AFF1: variants seen among roughly 807,000 people sequenced by gnomAD.
The protein encoded by AFF1 is ALF transcription elongation factor 1.
In AFF1, 48 loss-of-function variants were observed where a neutral mutation model predicts 121.7. The observed-to-expected ratio is 0.39, with a 90% CI of 0.31 to 0.50. AFF1 has a LOEUF of 0.50. Ranked by LOEUF, AFF1 falls within the 20% of genes least tolerant of loss-of-function variation. The pLI is 0.76. For missense variants in AFF1, 1,523 were observed against 1,511.7 expected (o/e 1.01, Z -0.12); for synonymous variants, 613 against 563.0 (o/e 1.09, Z -1.26).
At chr4:87,108,041 T>G in intron 10 of AFF1, 118 bp from the exon 11 acceptor site, 1 of 1,073,460 alleles carries the variant, frequency 9.3e-7, no homozygotes, top group Non-Finnish European at 1.3e-6. Context: ...CATGATAGTT[T>G]AGCAGTGTAT....
intron 2 of AFF1, among the ~76,000 whole-genome samples, chr4:87,005,505 C>T (rs1726035815): frequency 6.6e-6 from 1 of 152,198 alleles, no homozygotes; most frequent in Non-Finnish European, 1.5e-5. Flanking sequence ...GAAACAGGCT[C>T]AACTTTGTTC....
At chr4:87,105,721 A>G in intron 9 of AFF1, 39 bp downstream of exon 9, 1 of 1,613,882 alleles carries the variant, frequency 6.2e-7, no homozygotes, top group Non-Finnish European at 8.5e-7. Context: ...GAGTCCTTTT[A>G]AATACATCTA....
At chr4:87,055,716 T>C (rs534721291) in intron 4 of AFF1, among the ~76,000 whole-genome samples, 1 of 152,346 alleles carries the variant, frequency 6.6e-6, no homozygotes, top group South Asian at 2.1e-4. Flanking sequence ...ATCTTGTTGA[T>C]GACTGAGTTA....
chr4:87,114,584 C>T lies in AFF1; in HGVS notation c.1751C>T (p.Ala584Val), dbSNP rs910540764. ...SSKAPRAPPEAPHPGKRSCQK... is the reference protein window; with the variant it reads ...SSKAPRAPPEVPHPGKRSCQK... The stretch of plus-strand genomic sequence containing the variant: ...AAAGCCCCCCGGGCCCCACCCGAAG[C>T]CCCCCACCCCGGAAAGAGGAGCTGT... The change falls in exon 12 of 21, where the codon GCC becomes GTC. Residue 584 changes from alanine (A) to valine (V), a missense_variant. Physicochemically the swap from Ala to Val is moderately conservative, Grantham distance 64 (BLOSUM62 0). This residue lies in a region of AFF1 where 905 missense variants were observed against 842.5 expected (regional missense o/e 1.07). Coordinates refer to ENST00000395146, the MANE Select transcript of AFF1 (RefSeq NM_001166693.3). 2 of 1,583,554 alleles carry T rather than the reference C, an allele frequency of 1.3e-6. 1 individual carries two copies. Among genetic ancestry groups the T allele is most frequent in the Admixed American group, 3.5e-5 (2 of 57,936 alleles).
Position 87,136,896 on chromosome 4 carries a change from T to C in AFF1, c.*1195T>C, listed in dbSNP as rs371509927. 2.9e-4 allele frequency: 65 copies of C among 221,216 alleles called. No homozygotes were observed. The Middle Eastern group carries it at 9.5e-3, about 32-fold the overall frequency. The allele number at this position is 221,216 out of a possible 1,614,324, so 13.7% of individuals were successfully genotyped here. On this transcript the variant is annotated 3_prime_UTR_variant, in exon 21 of 21. Transcript: ENST00000395146. ...AGATTTGGGGTGGTTGATTAGACTT[T>C]TGAAAAACTCATCACCACATGCCTT...
chr4:87,053,376 C>T (rs1731454223), intron 4 of AFF1, among the ~76,000 whole-genome samples: 1 of 152,214 alleles, frequency 6.6e-6, no homozygotes. Flanking sequence ...ATTGAGCCTC[C>T]TATTTTCAAT....
At chr4:86,972,690 A>G (rs1723029742) in intron 2 of AFF1, among the ~76,000 whole-genome samples, 1 of 151,956 alleles carries the variant, frequency 6.6e-6, no homozygotes, top group Non-Finnish European at 1.5e-5. Flanking sequence ...GGCGTGCACC[A>G]CTACACCCAG....
intron 2 of AFF1, among the ~76,000 whole-genome samples, chr4:87,003,226 CTT>C (rs1725856860): frequency 6.6e-6 from 1 of 152,040 alleles, no homozygotes; most frequent in African/African-American, 2.4e-5. Flanking sequence ...TTCCATATAT[CTT>C]TGGGGGTAAA....
chr4:87,076,305 A>G (rs1722665387), intron 4 of AFF1, among the ~76,000 whole-genome samples: 1 of 152,182 alleles, frequency 6.6e-6, no homozygotes, highest in South Asian at 2.1e-4. Context: ...TGTTTAGAGA[A>G]CTATAGAGAT....
intron 2 of AFF1, among the ~76,000 whole-genome samples, chr4:86,995,487 T>C (rs1431605057): frequency 2.0e-5 from 3 of 151,740 alleles, no homozygotes; most frequent in African/African-American, 7.3e-5. Flanking sequence ...GGTTTTCGTA[T>C]TTTTTTGGTG....
intron 1 of AFF1, among the ~76,000 whole-genome samples, chr4:86,940,798 A>G (rs974956640): frequency 6.6e-6 from 1 of 151,884 alleles, no homozygotes; most frequent in East Asian, 1.9e-4. Flanking sequence ...AGAACCTGTG[A>G]AGGGAGGGGC....
intron 2 of AFF1, among the ~76,000 whole-genome samples, chr4:86,972,012 C>T (rs1722980094): frequency 6.6e-6 from 1 of 151,728 alleles, no homozygotes; most frequent in African/African-American, 2.4e-5. Context: ...GTGGCACATG[C>T]CTGTAGACTC....
intron 2 of AFF1, among the ~76,000 whole-genome samples, chr4:87,023,035 T>G (rs1220453725): frequency 6.6e-6 from 1 of 150,914 alleles, no homozygotes; most frequent in African/African-American, 2.5e-5. Context: ...CCCGAGTAGC[T>G]GGGACTACAG....
chr4:87,095,084 G>A (rs1367517081), intron 8 of AFF1, 115 bp downstream of exon 8: 3 of 984,278 alleles, frequency 3.0e-6, no homozygotes, highest in Non-Finnish European at 4.6e-6. Context: ...TAAGACTGCT[G>A]CATTCTAAAG....
At chr4:87,097,986 T>G (rs1054066606) in intron 8 of AFF1, among the ~76,000 whole-genome samples, 8 of 152,212 alleles carry the variant, frequency 5.3e-5, no homozygotes, top group Non-Finnish European at 1.0e-4. Flanking sequence ...GGAGATATTC[T>G]AATGCATTTT....
intron 1 of AFF1, among the ~76,000 whole-genome samples, chr4:86,939,018 T>G (rs545935770): frequency 5.3e-5 from 8 of 152,356 alleles, no homozygotes; most frequent in African/African-American, 1.4e-4. Flanking sequence ...ATTACATCAT[T>G]AATATAGTAT....
chr4:87,125,225 TGC>T, intron 13 of AFF1, 82 bp downstream of exon 13: 1 of 971,152 alleles, frequency 1.0e-6, no homozygotes. Context: ...ATTTTTCTTC[TGC>T]ACTAGAATCA....
chr4:87,034,600 C>G (rs1042649021), intron 2 of AFF1, among the ~76,000 whole-genome samples: 3 of 152,176 alleles, frequency 2.0e-5, no homozygotes, highest in Admixed American at 6.5e-5. Flanking sequence ...AGTACCTTTT[C>G]TTTTACTGTA....
chr4:87,075,024 T>C (rs1722505499), intron 4 of AFF1, among the ~76,000 whole-genome samples: 1 of 152,228 alleles, frequency 6.6e-6, no homozygotes, highest in South Asian at 2.1e-4. Context: ...TAATGCAGAT[T>C]GAGCCTCTAC....
Sources: gnomAD v4.1 joint callset for allele counts (sites outside exome capture counted in the v4.1 genomes callset) on GRCh38, gnomAD v4.1.1 for gene constraint, gnomAD v4.1.1 regional missense constraint, MANE v1.5 for transcripts, NCBI Gene and HGNC (gene_info 2026-07-23, HGNC 2026-07-21) for gene names.